Variants in PTK2 observed in about 807,000 individuals in gnomAD.
PTK2 encodes the protein protein tyrosine kinase 2, also known as focal adhesion kinase 1.
PTK2 carries 45 observed loss-of-function variants against 150.1 expected under a neutral mutation model. That is an observed-to-expected ratio of 0.30 (90% CI 0.24 to 0.38). The LOEUF is 0.38. PTK2 is among the 10% of genes least tolerant of loss of function. The pLI is 1.00. For missense variants in PTK2, 919 were observed against 1,307.3 expected (o/e 0.70, Z 4.58); for synonymous variants, 432 against 449.2 (o/e 0.96, Z 0.48).
At position 140,891,731 on chromosome 8, in the gene PTK2, C is replaced by T. The variant is rs111591317; in HGVS notation, c.-32-962G>A. On this transcript the variant is annotated intron_variant, in intron 2 of 31. Coordinates refer to ENST00000522684, the Ensembl canonical transcript of PTK2. The stretch of plus-strand genomic sequence containing the variant: ...GCAGGTTGTCTCCTGAAGACAGTTA[C>T]GGAATCCTGAACCCAAGCTGAGAAG... 2.7e-3 allele frequency among the ~76,000 whole-genome samples: 405 copies of T among 152,278 alleles called. 3 individuals are homozygous for T. The highest frequency in any genetic ancestry group is 9.2e-3 in the African/African-American group (384 of 41,554).
chr8:140,669,944 T>G, intron 29 of PTK2: 1 of 613,540 alleles, frequency 1.6e-6, no homozygotes, highest in Non-Finnish European at 2.9e-6. Context: ...TGCCCCAGCA[T>G]ACTGCATAGA....
intron 1 of PTK2, among the ~76,000 whole-genome samples, chr8:140,982,256 A>C (rs552498063): frequency 1.3e-5 from 2 of 152,220 alleles, no homozygotes; most frequent in Non-Finnish European, 2.9e-5. Flanking sequence ...TCACTGGATC[A>C]TTAAGATACA....
chr8:140,827,684 C>T (rs2100112659), intron 8 of PTK2, among the ~76,000 whole-genome samples: 1 of 152,100 alleles, frequency 6.6e-6, no homozygotes, highest in Non-Finnish European at 1.5e-5. Context: ...GAAAGTGTCT[C>T]CCCTTATTTT....
intron 3 of PTK2, 187 bp downstream of exon 3, chr8:140,890,356 T>C: frequency 4.0e-6 from 2 of 496,384 alleles, no homozygotes; most frequent in Non-Finnish European, 6.9e-6. Context: ...TAAGAAACTT[T>C]ACAACAATTA....
At chr8:140,694,088 T>C (rs1452302909) in intron 26 of PTK2, among the ~76,000 whole-genome samples, 1 of 150,680 alleles carries the variant, frequency 6.6e-6, no homozygotes, top group Non-Finnish European at 1.5e-5. Context: ...TCGCCCAGGC[T>C]GGAGTGCAGT....
chr8:140,750,874 TTAGAA>T (rs1358699994), intron 17 of PTK2, among the ~76,000 whole-genome samples: 1 of 151,954 alleles, frequency 6.6e-6, no homozygotes, highest in East Asian at 1.9e-4. Context: ...GCCTAGAACT[TTAGAA>T]TAGCCTGGGA....
chr8:140,932,485 G>C (rs988667604), intron 1 of PTK2, among the ~76,000 whole-genome samples: 5 of 152,050 alleles, frequency 3.3e-5, no homozygotes, highest in African/African-American at 9.7e-5. Flanking sequence ...CAAAGTGCTG[G>C]GATTACAGAT....
chr8:140,700,465 T>A (rs1281169982), intron 26 of PTK2, among the ~76,000 whole-genome samples: 1 of 151,316 alleles, frequency 6.6e-6, no homozygotes, highest in African/African-American at 2.4e-5. Context: ...AACCACCACA[T>A]CCAGCCATAT....
chr8:140,885,747 T>TTC (rs1281702587), intron 3 of PTK2, among the ~76,000 whole-genome samples: 17 of 152,092 alleles, frequency 1.1e-4, no homozygotes, highest in Non-Finnish European at 2.5e-4. Flanking sequence ...GTGATTAGTA[T>TTC]GTTAGAGAAA....
intron 1 of PTK2, among the ~76,000 whole-genome samples, chr8:140,930,088 TCTC>T (rs753564732): frequency 2.6e-4 from 39 of 152,234 alleles, no homozygotes; most frequent in Admixed American, 9.2e-4. Flanking sequence ...CTCCAATAAA[TCTC>T]CTCTCAGTTT....
At chr8:140,938,234 G>C (rs1390109295) in intron 1 of PTK2, among the ~76,000 whole-genome samples, 1 of 152,140 alleles carries the variant, frequency 6.6e-6, no homozygotes, top group African/African-American at 2.4e-5. Flanking sequence ...AGAGTGCTTT[G>C]ACCGCTCTGT....
At chr8:140,934,900 A>G (rs2100173093) in intron 1 of PTK2, among the ~76,000 whole-genome samples, 1 of 152,150 alleles carries the variant, frequency 6.6e-6, no homozygotes, top group East Asian at 1.9e-4. Context: ...AGAAAGAGAT[A>G]TCAAAATGGA....
intron 1 of PTK2, among the ~76,000 whole-genome samples, chr8:140,967,370 C>T (rs1308779991): frequency 1.3e-5 from 2 of 151,840 alleles, no homozygotes; most frequent in African/African-American, 4.8e-5. Flanking sequence ...TGGAATTAAA[C>T]AAGTAGGATG....
At chr8:140,769,530 ATAAT>A (rs2100074378) in intron 14 of PTK2, 41 bp downstream of exon 16, 1 of 1,251,756 alleles carries the variant, frequency 8.0e-7, no homozygotes, top group Middle Eastern at 2.2e-4. Flanking sequence ...ATTTTCATAA[ATAAT>A]TATCTCATAG....
chr8:140,952,815 T>C (rs919946545), intron 1 of PTK2, among the ~76,000 whole-genome samples: 1 of 152,158 alleles, frequency 6.6e-6, no homozygotes, highest in Non-Finnish European at 1.5e-5. Context: ...TACCCTCAAT[T>C]GTACGATTTC....
At chr8:140,863,839 C>T (rs2100137720) in intron 5 of PTK2, among the ~76,000 whole-genome samples, 1 of 152,116 alleles carries the variant, frequency 6.6e-6, no homozygotes. Flanking sequence ...AAAAAAATTA[C>T]CAAGTACATT....
In PTK2 at chr8:140,765,645, T is replaced by C. The variant is rs537787766; in HGVS notation, c.1178-1355A>G. ...AAAGATTAAAAAAGTTTTAATAGAC[T>C]CCAAATCATACATTCTTTTATTTCT... On this transcript the variant is annotated intron_variant, in intron 14 of 31. Transcript: ENST00000522684. 1.3e-3 allele frequency among the ~76,000 whole-genome samples: 191 copies of C among 152,314 alleles called. 1 individual carries two copies. The highest frequency in any genetic ancestry group is 6.8e-3 in the Middle Eastern group (2 of 294).
At chr8:140,801,193 G>T (rs565451060) in intron 11 of PTK2, among the ~76,000 whole-genome samples, 33 of 152,326 alleles carry the variant, frequency 2.2e-4, no homozygotes, top group Admixed American at 2.0e-3. Context: ...CAGCCTAAGT[G>T]AGGAGTGCTG....
intron 2 of PTK2, among the ~76,000 whole-genome samples, chr8:140,905,493 T>C (rs535221650): frequency 2.0e-5 from 3 of 152,268 alleles, no homozygotes; most frequent in East Asian, 1.9e-4. Context: ...TAAATATATA[T>C]ATGCACCCAA....
Sources: allele counts gnomAD v4.1 joint callset (sites outside exome capture counted in the v4.1 genomes callset), GRCh38; gene constraint gnomAD v4.1.1; transcripts MANE v1.5; gene names NCBI Gene and HGNC (gene_info 2026-07-23, HGNC 2026-07-21).